GNAL: variants seen among roughly 807,000 people sequenced by gnomAD.
GNAL encodes the protein G protein subunit alpha L, also known as guanine nucleotide-binding protein G(olf) subunit alpha.
GNAL carries 18 observed loss-of-function variants against 55.1 expected under a neutral mutation model. The ratio of observed to expected loss-of-function variants is 0.33; its 90% CI spans 0.23 to 0.48. The LOEUF (loss-of-function observed/expected upper bound fraction) is 0.48. GNAL is among the 20% of genes least tolerant of loss of function. The pLI is 0.99. For missense variants in GNAL, 412 were observed against 614.1 expected (o/e 0.67, Z 3.48); for synonymous variants, 253 against 237.0 (o/e 1.07, Z -0.62).
At chr18:11,819,314 A>G (rs866899528) in intron 4 of GNAL, among the ~76,000 whole-genome samples, 8 of 152,210 alleles carry the variant, frequency 5.3e-5, no homozygotes, top group Middle Eastern at 3.2e-3. Flanking sequence ...ATATAAAGGT[A>G]GTCGTAGATA....
At chr18:11,757,472 G>T (rs917406169) in intron 4 of GNAL, among the ~76,000 whole-genome samples, 1 of 152,174 alleles carries the variant, frequency 6.6e-6, no homozygotes, top group Admixed American at 6.5e-5. Context: ...TAATAATACA[G>T]TGGAAAGGTA....
At chr18:11,744,446 T>A (rs1469498147) in intron 1 of GNAL, among the ~76,000 whole-genome samples, 1 of 152,124 alleles carries the variant, frequency 6.6e-6, no homozygotes, top group African/African-American at 2.4e-5. Context: ...TATAATTAGG[T>A]CACAGAATGA....
At chr18:11,863,508 T>G (rs1365390399) in intron 6 of GNAL, among the ~76,000 whole-genome samples, 1 of 152,224 alleles carries the variant, frequency 6.6e-6, no homozygotes, top group African/African-American at 2.4e-5. Flanking sequence ...CAATGGAGGC[T>G]TCCTCGTCTT....
intron 1 of GNAL, 53 bp downstream of exon 1, chr18:11,689,992 C>A: frequency 9.3e-7 from 1 of 1,078,546 alleles, no homozygotes; most frequent in Non-Finnish European, 1.2e-6. Context: ...GCGCCGGGCC[C>A]GCGGGGGCGG....
rs2036765890 is a variant in GNAL, at chr18:11,883,368, G to T, written c.*2233G>T. 1 of 153,162 alleles carries T rather than the reference G, an allele frequency of 6.5e-6. No homozygotes were observed. Among genetic ancestry groups the T allele is most frequent in the South Asian group, 2.1e-4 (1 of 4,826 alleles). The allele number at this position is 153,162 out of a possible 1,614,324, so 9.5% of individuals were successfully genotyped here. On this transcript the variant is annotated 3_prime_UTR_variant, in exon 12 of 12. Transcript: ENST00000334049. ...CAGCAAGAAAGGGAAGTATGCTGTT[G>T]TATGCATCATTACTCAACAATTACC...
chr18:11,784,812 G>A (rs966162767), intron 4 of GNAL, among the ~76,000 whole-genome samples: 4 of 152,134 alleles, frequency 2.6e-5, no homozygotes, highest in African/African-American at 4.8e-5. Context: ...CTGACTGTGC[G>A]TGCTCTGTTG....
chr18:11,817,791 G>T (rs2143609329), intron 4 of GNAL, among the ~76,000 whole-genome samples: 1 of 151,874 alleles, frequency 6.6e-6, no homozygotes, highest in East Asian at 1.9e-4. Flanking sequence ...CTTCCACCAT[G>T]TTGGCCAGGC....
intron 4 of GNAL, among the ~76,000 whole-genome samples, chr18:11,783,136 C>T (rs1263505139): frequency 6.6e-6 from 1 of 152,166 alleles, no homozygotes; most frequent in African/African-American, 2.4e-5. Context: ...TGGGTCATTC[C>T]CATTACTTTT....
At chr18:11,713,633 A>C (rs9958732) in intron 1 of GNAL, among the ~76,000 whole-genome samples, 1 of 152,164 alleles carries the variant, frequency 6.6e-6, no homozygotes, top group Non-Finnish European at 1.5e-5. Context: ...GCCTGTTTAT[A>C]TATTCAGTCC....
At chr18:11,802,117 T>G (rs1397487781) in intron 4 of GNAL, among the ~76,000 whole-genome samples, 2 of 152,152 alleles carry the variant, frequency 1.3e-5, no homozygotes, top group Non-Finnish European at 2.9e-5. Context: ...CAAGAAAATT[T>G]CATTTTCTTT....
intron 11 of GNAL, among the ~76,000 whole-genome samples, chr18:11,877,412 A>G (rs1021986261): frequency 2.7e-4 from 41 of 152,146 alleles, no homozygotes; most frequent in Admixed American, 7.2e-4. Context: ...CCGAGACCAC[A>G]CCACTGCACT....
At chr18:11,794,548 C>G (rs917868813) in intron 4 of GNAL, among the ~76,000 whole-genome samples, 3 of 152,034 alleles carry the variant, frequency 2.0e-5, no homozygotes, top group African/African-American at 7.2e-5. Flanking sequence ...AGACAGAAAG[C>G]AAATTGGTAG....
intron 10 of GNAL, among the ~76,000 whole-genome samples, chr18:11,875,631 A>T (rs1010026336): frequency 6.6e-6 from 1 of 152,138 alleles, no homozygotes; most frequent in Non-Finnish European, 1.5e-5. Context: ...CTCCCTGTGC[A>T]TCTTCTGCCA....
intron 1 of GNAL, among the ~76,000 whole-genome samples, chr18:11,733,703 A>G (rs749972685): frequency 6.6e-5 from 10 of 152,178 alleles, no homozygotes; most frequent in African/African-American, 1.9e-4. Context: ...GAGTGAAACA[A>G]TGTGTGCACG....
At chr18:11,711,065 C>T (rs568948152) in intron 1 of GNAL, among the ~76,000 whole-genome samples, 6 of 152,190 alleles carry the variant, frequency 3.9e-5, no homozygotes, top group East Asian at 3.9e-4. Flanking sequence ...TTAGTAGAGA[C>T]GAGGTTTCAC....
chr18:11,777,310 A>G (rs1487335837), intron 4 of GNAL, among the ~76,000 whole-genome samples: 10 of 152,182 alleles, frequency 6.6e-5, no homozygotes, highest in Non-Finnish European at 1.5e-5. Flanking sequence ...GAACCATACA[A>G]AAAAATCACA....
intron 1 of GNAL, among the ~76,000 whole-genome samples, chr18:11,723,106 C>T (rs1169334191): frequency 1.3e-5 from 2 of 151,636 alleles, no homozygotes; most frequent in African/African-American, 4.9e-5. Flanking sequence ...ATCACTTGAA[C>T]CTAGGAGGCA....
intron 4 of GNAL, among the ~76,000 whole-genome samples, chr18:11,805,222 C>T (rs1446813561): frequency 1.7e-5 from 2 of 119,900 alleles, no homozygotes; most frequent in African/African-American, 7.6e-5. Flanking sequence ...CATGGAGATA[C>T]TGTGTAGTGG....
In GNAL at chr18:11,751,408, G is replaced by A. The variant is rs1044622587; in HGVS notation, c.377-1445G>A. 3 of 610,838 alleles carry A rather than the reference G, an allele frequency of 4.9e-6. No individual in the cohort carries two copies. The highest frequency in any genetic ancestry group is 6.2e-6 in the Non-Finnish European group (3 of 487,430). 37.8% of individuals were successfully genotyped at this position (610,838 alleles called of 1,614,324 possible). The stretch of plus-strand genomic sequence containing the variant: ...TGTGCTGCTTGGGAGCACTGCACAG[G>A]AGAAACGGGGGCTGGAGGTAAAGAC... On this transcript the variant is annotated intron_variant, in intron 1 of 11. Coordinates refer to ENST00000334049, the MANE Select transcript of GNAL (RefSeq NM_182978.4). The surrounding 1 kb of genome is among the most constrained non-coding windows in gnomAD (Gnocchi z 4.5).
Sources: gnomAD v4.1 joint callset for allele counts (sites outside exome capture counted in the v4.1 genomes callset) on GRCh38, gnomAD v4.1.1 for gene constraint, Gnocchi (gnomAD v3.1) non-coding constraint, MANE v1.5 for transcripts, NCBI Gene and HGNC (gene_info 2026-07-23, HGNC 2026-07-21) for gene names.